SYNE2: variants seen among roughly 807,000 people sequenced by gnomAD.
The protein encoded by SYNE2 is spectrin repeat containing nuclear envelope protein 2, also known as nesprin-2.
SYNE2 carries 431 observed loss-of-function variants against 856.3 expected under a neutral mutation model. The ratio of observed to expected loss-of-function variants is 0.50; its 90% CI spans 0.47 to 0.55. The LOEUF (loss-of-function observed/expected upper bound fraction) is 0.55. SYNE2 is among the 20% of genes least tolerant of loss of function. SYNE2 has a pLI of 0.00. For missense variants in SYNE2, 8,129 were observed against 8,023.2 expected (o/e 1.01, Z -0.50); for synonymous variants, 2,923 against 2,872.3 (o/e 1.02, Z -0.56).
intron 99 of SYNE2, among the ~76,000 whole-genome samples, chr14:64,192,563 G>A (rs1006355397): frequency 1.3e-5 from 2 of 152,178 alleles, no homozygotes; most frequent in African/African-American, 4.8e-5. Context: ...TGGGGGAAAA[G>A]GAGTTGAAAT....
chr14:64,067,478 T>C (rs1387515956), intron 51 of SYNE2, among the ~76,000 whole-genome samples: 1 of 152,180 alleles, frequency 6.6e-6, no homozygotes, highest in East Asian at 1.9e-4. Flanking sequence ...AAGATTTTAG[T>C]GTAGCTTTTA....
At chr14:63,924,012 G>T (rs1017186211) in intron 2 of SYNE2, among the ~76,000 whole-genome samples, 1 of 151,924 alleles carries the variant, frequency 6.6e-6, no homozygotes, top group African/African-American at 2.4e-5. Flanking sequence ...TCACCATGTT[G>T]TCCAGGCTGG....
In SYNE2 at chr14:64,116,064, G is replaced by A. The variant is rs529185812; in HGVS notation, c.12840+2493G>A. On this transcript the variant is annotated intron_variant, in intron 66 of 115. Transcript: ENST00000555002. ...TGTGTATCTGTAGTCCCAGCTACCT[G>A]GGAGGCTGAGGCACTAATATCTCTT... Among the ~76,000 whole-genome samples the A allele has an allele frequency of 4.6e-5, 7 of 152,146 alleles. No individual in the cohort carries two copies. In the East Asian group the frequency reaches 1.4e-3, roughly 29 times the overall value.
At chr14:63,781,983 A>G (rs1361970955) in intron 1 of SYNE2, among the ~76,000 whole-genome samples, 1 of 151,976 alleles carries the variant, frequency 6.6e-6, no homozygotes, top group South Asian at 2.1e-4. Context: ...TCTAAGAAGA[A>G]AAGTAGCCAG....
chr14:64,033,737 C>G (rs2097061297), intron 45 of SYNE2, among the ~76,000 whole-genome samples: 1 of 151,994 alleles, frequency 6.6e-6, no homozygotes, highest in East Asian at 1.9e-4. Flanking sequence ...TTTAATTAAT[C>G]TTGAATGATA....
At chr14:64,207,628 G>A (rs2098613266) in intron 100 of SYNE2, among the ~76,000 whole-genome samples, 1 of 151,660 alleles carries the variant, frequency 6.6e-6, no homozygotes, top group Non-Finnish European at 1.5e-5. Context: ...AAATATGAAA[G>A]TGACCTGGAA....
intron 1 of SYNE2, among the ~76,000 whole-genome samples, chr14:63,872,630 C>A (rs983504193): frequency 6.6e-6 from 1 of 151,578 alleles, no homozygotes; most frequent in Admixed American, 6.6e-5. Flanking sequence ...GTGGTGGTGA[C>A]GGGTGCCTGT....
intron 35 of SYNE2, 137 bp from the exon 36 acceptor site, chr14:64,021,178 A>G (rs970455958): frequency 8.1e-6 from 6 of 743,518 alleles, no homozygotes; most frequent in African/African-American, 1.7e-5. Flanking sequence ...TCAGTGACAT[A>G]GAAAAACGTA....
chr14:63,828,980 C>T, intron 1 of SYNE2, among the ~76,000 whole-genome samples: 1 of 151,956 alleles, frequency 6.6e-6, no homozygotes, highest in East Asian at 1.9e-4. Flanking sequence ...CAATGAGATG[C>T]CACTTACGAT....
In SYNE2 at chr14:63,814,278, AC is replaced by A. The variant is rs1219714595; in HGVS notation, c.-304-38222del. Among the ~76,000 whole-genome samples the A allele has an allele frequency of 8.0e-5, 12 of 150,862 alleles. No homozygotes were observed. The East Asian group carries it at 9.7e-4, about 12-fold the overall frequency. ...GAGCGAGGCTCTGTCTTAAAAAAAAACAAAAACAAACAAACAAACAAAGAAC... is the reference window on the plus strand; with the variant it reads ...GAGCGAGGCTCTGTCTTAAAAAAAAAAAAAACAAACAAACAAACAAAGAAC... On this transcript the variant is annotated intron_variant, in intron 1 of 23. Transcript: ENST00000674003.
chr14:63,829,479 CAG>C (rs1889588373), intron 1 of SYNE2, among the ~76,000 whole-genome samples: 1 of 152,122 alleles, frequency 6.6e-6, no homozygotes, highest in East Asian at 1.9e-4. Flanking sequence ...TAGTTAATCA[CAG>C]AGTTACCATA....
In SYNE2 at chr14:63,772,251, G is replaced by A. The variant is rs979608662; in HGVS notation, c.-305+10265G>A. On this transcript the variant is annotated intron_variant, in intron 1 of 23. Coordinates refer to the SYNE2 transcript ENST00000674003. ...CACCTGTGGTACCAGCTACTTGGGG[G>A]GCTGAGGTGGGAGGATTGCTTGAGG... Among the ~76,000 whole-genome samples the A allele has an allele frequency of 2.6e-5, 4 of 152,178 alleles. No homozygotes were observed. The East Asian group carries it at 7.7e-4, about 29-fold the overall frequency.
At chr14:63,933,727 A>G (rs1305065994) in intron 2 of SYNE2, among the ~76,000 whole-genome samples, 1 of 152,086 alleles carries the variant, frequency 6.6e-6, no homozygotes, top group Non-Finnish European at 1.5e-5. Context: ...ATTGTAGTAG[A>G]TTGTATTATT....
intron 101 of SYNE2, 181 bp downstream of exon 101, chr14:64,209,126 C>A: frequency 1.1e-6 from 1 of 928,546 alleles, no homozygotes; most frequent in South Asian, 1.6e-5. Context: ...AGTAATGTCT[C>A]TCCCCAGCTG....
In SYNE2 at chr14:63,885,994, C is replaced by T. The variant is rs111538860; in HGVS notation, c.-51-23104C>T. Among the ~76,000 whole-genome samples the T allele has an allele frequency of 6.8e-3, 1,032 of 152,260 alleles. 9 individuals are homozygous for T. The highest frequency in any genetic ancestry group is 0.023 in the African/African-American group (954 of 41,538). On this transcript the variant is annotated intron_variant, in intron 1 of 115. Coordinates refer to ENST00000555002, the MANE Select transcript of SYNE2 (RefSeq NM_182914.3). ...AGATGCTGATTTTCTTAATTGGACCCGGCCTTCCTCCCTCCCTCTTTTGCC... is the reference window on the plus strand; with the variant it reads ...AGATGCTGATTTTCTTAATTGGACCTGGCCTTCCTCCCTCCCTCTTTTGCC...
chr14:64,155,839 G>T (rs1006468965), intron 85 of SYNE2, among the ~76,000 whole-genome samples: 2 of 152,300 alleles, frequency 1.3e-5, no homozygotes, highest in East Asian at 3.9e-4. Context: ...GAGATGGGAG[G>T]ATTACTTGAG....
At position 64,065,551 on chromosome 14, in the gene SYNE2, G is replaced by A. The variant is rs1200933436; in HGVS notation, c.10332G>A (p.Ser3444=). The A allele has an allele frequency of 9.9e-6, 16 of 1,613,990 alleles. No homozygotes were observed. In the Admixed American group the frequency reaches 1.3e-4, roughly 13 times the overall value. ...NDGICLLKIV[S]ALWEKWLSLL... is the part of the protein sequence containing the mutation. ...GCATATGTTTGCTCAAGATTGTGTC[G>A]GCTCTGTGGGAGAAATGGCTGAGTT... is the stretch of plus-strand genomic sequence containing the variant. The change falls in exon 51 of 116, where the codon TCG becomes TCA. Residue 3444 remains serine (S), a synonymous_variant. Coordinates refer to ENST00000555002, the MANE Select transcript of SYNE2 (RefSeq NM_182914.3).
intron 101 of SYNE2, 106 bp downstream of exon 101, chr14:64,209,051 C>T (rs1342624048): frequency 5.6e-5 from 78 of 1,386,752 alleles, no homozygotes; most frequent in Admixed American, 1.2e-4. Flanking sequence ...CTTAGAAATG[C>T]GCCAGGTATT....
chr14:63,922,451 C>T (rs377351366), intron 2 of SYNE2, among the ~76,000 whole-genome samples: 1 of 152,144 alleles, frequency 6.6e-6, no homozygotes, highest in Non-Finnish European at 1.5e-5. Flanking sequence ...TCCACTTATT[C>T]CCGGGCCTGA....
Sources: allele counts gnomAD v4.1 joint callset (sites outside exome capture counted in the v4.1 genomes callset), GRCh38; gene constraint gnomAD v4.1.1; transcripts MANE v1.5; gene names NCBI Gene and HGNC (gene_info 2026-07-23, HGNC 2026-07-21).